Variants in DDR1 observed in about 807,000 individuals in gnomAD.
DDR1 encodes the protein discoidin domain receptor tyrosine kinase 1.
DDR1 carries 64 observed loss-of-function variants against 97.4 expected under a neutral mutation model. The observed-to-expected ratio is 0.66, with a 90% CI of 0.54 to 0.81. DDR1 has a LOEUF of 0.81. DDR1 is among the 30% of genes least tolerant of loss of function. The pLI is 0.00. For synonymous variants in DDR1, 458 were observed against 503.7 expected, an observed-to-expected ratio of 0.91 and a Z score of 1.21; for missense variants, 990 against 1,259.6, an observed-to-expected ratio of 0.79 and a Z score of 3.24.
At chr6:30,896,567 C>G (rs1582094299) in intron 12 of DDR1, 54 bp from the exon 13 acceptor site, 2 of 1,577,816 alleles carry the variant, frequency 1.3e-6, no homozygotes, top group East Asian at 4.5e-5. Context: ...GGAACTATAG[C>G]TCTTGGGCTG....
Position 30,897,978 on chromosome 6 carries a change from A to C in DDR1, c.2217-95A>C. The C allele has an allele frequency of 3.2e-6, 3 of 934,120 alleles. No individual in the cohort carries two copies. Among genetic ancestry groups the C allele is most frequent in the Non-Finnish European group, 5.0e-6 (3 of 601,388 alleles). The allele number at this position is 934,120 out of a possible 1,614,324, so 57.9% of individuals were successfully genotyped here. On this transcript the variant is annotated intron_variant, in intron 15 of 17. Coordinates refer to ENST00000376568, the MANE Select transcript of DDR1 (RefSeq NM_001297654.2). The surrounding 1 kb of genome is among the most constrained non-coding windows in gnomAD (Gnocchi z 5.2). ...GCATTCCACCTCCACATGGGGAGCC[A>C]GAGTGACCGGGCCCGGGGAGTGGGC...
chr6:30,896,504 C>T (rs1488227195), intron 12 of DDR1, 117 bp from the exon 13 acceptor site: 1 of 1,305,886 alleles, frequency 7.7e-7, no homozygotes. Context: ...AGCATAGACC[C>T]AGTCTCTCAC....
Position 30,899,405 on chromosome 6 carries a change from C to T in DDR1, c.*109C>T. On this transcript the variant is annotated 3_prime_UTR_variant, in exon 18 of 18. Transcript: ENST00000376568. ...TGCCCTTCCCCTCCCGACAGCCCAT[C>T]ACCTCTAATAGAGGCAGTGAGACTG... 1 of 1,412,582 alleles carries T rather than the reference C, an allele frequency of 7.1e-7. No homozygotes were observed. Among genetic ancestry groups the T allele is most frequent in the South Asian group, 1.4e-5 (1 of 72,322 alleles). 87.5% of individuals were successfully genotyped at this position (1,412,582 alleles called of 1,614,324 possible). A position where few individuals can be genotyped will look rare whatever the true frequency, so the allele number is the denominator to read the frequency against.
intron 16 of DDR1, 66 bp downstream of exon 16, chr6:30,898,373 G>T: frequency 1.7e-6 from 2 of 1,177,084 alleles, no homozygotes; most frequent in Non-Finnish European, 1.2e-6. Flanking sequence ...GCCACTCACA[G>T]CCCTGGTCTC....
At chr6:30,896,480 T>A in intron 12 of DDR1, 141 bp from the exon 13 acceptor site, 1 of 1,069,144 alleles carries the variant, frequency 9.4e-7, no homozygotes, top group African/African-American at 1.6e-5. Context: ...GCGCATGGAA[T>A]ACTGGGAAGA....
chr6:30,894,762 CCA>C lies in DDR1; in HGVS notation c.1513+92_1513+93del. The C allele has an allele frequency of 7.3e-7, 1 of 1,377,738 alleles. No homozygotes were observed. Among genetic ancestry groups the C allele is most frequent in the African/African-American group, 1.5e-5 (1 of 68,602 alleles). The allele number at this position is 1,377,738 out of a possible 1,614,324, so 85.3% of individuals were successfully genotyped here. A position where few individuals can be genotyped will look rare whatever the true frequency, so the allele number is the denominator to read the frequency against. On this transcript the variant is annotated intron_variant, in intron 11 of 17. Coordinates refer to ENST00000376568, the MANE Select transcript of DDR1 (RefSeq NM_001297654.2). This position sits in a 1 kb window ranked among gnomAD's most constrained non-coding sequence, Gnocchi z 5.7. The stretch of plus-strand genomic sequence containing the variant: ...CCATTCTCTTTTTTTCCTGTCTTCC[CCA>C]GTTTCCACTTGTTTTCTTCTTTCTG...
chr6:30,882,446 C>G (rs549103869), upstream of DDR1, among the ~76,000 whole-genome samples: 65 of 152,248 alleles, frequency 4.3e-4, no homozygotes, highest in South Asian at 6.2e-4. The surrounding 1 kb of genome is among the most constrained non-coding windows in gnomAD (Gnocchi z 4.8). Flanking sequence ...GGTAATCAGG[C>G]CCTCTTGGTC....
intron 1 of DDR1, among the ~76,000 whole-genome samples, chr6:30,887,695 A>G (rs1786389571): frequency 1.3e-5 from 2 of 152,226 alleles, no homozygotes; most frequent in African/African-American, 4.8e-5. Flanking sequence ...GGGCATTCAC[A>G]TATCTTACAG....
At chr6:30,885,376 G>A (rs1785417135) in intron 1 of DDR1, 3 of 1,050,484 alleles carry the variant, frequency 2.9e-6, no homozygotes, top group Non-Finnish European at 4.1e-6. Context: ...ACTGAGTGGT[G>A]TGGTGGAGAC....
Position 30,890,958 on chromosome 6 carries a change from T to C in DDR1, c.418-15T>C. 3 of 1,575,390 alleles carry C rather than the reference T, an allele frequency of 1.9e-6. No homozygotes were observed. The highest frequency in any genetic ancestry group is 2.6e-6 in the Non-Finnish European group (3 of 1,161,034). On this transcript the variant is annotated splice_polypyrimidine_tract_variant and intron_variant, in intron 4 of 17. Transcript: ENST00000376568. This position sits in a 1 kb window ranked among gnomAD's most constrained non-coding sequence, Gnocchi z 5.0. Reference sequence around the variant, plus strand: ...TGGACTCCATCCCACCCACCCCCTGTTTCCTGGCCCACAGGTGATCTCAGG... The same window carrying C: ...TGGACTCCATCCCACCCACCCCCTGCTTCCTGGCCCACAGGTGATCTCAGG...
rs141547665 is a variant in DDR1 at position 30,891,069 on chromosome 6, C to G, written c.514C>G (p.Arg172Gly). 1 of 1,613,044 alleles carries G rather than the reference C, an allele frequency of 6.2e-7. No individual in the cohort carries two copies. The highest frequency in any genetic ancestry group is 1.3e-5 in the African/African-American group (1 of 75,048). ...GGTTCGCTTCTACCCCCGGGCTGACCGGGTCATGAGCGTCTGTCTGCGGGT... is the reference window on the plus strand; with the variant it reads ...GGTTCGCTTCTACCCCCGGGCTGACGGGGTCATGAGCGTCTGTCTGCGGGT... ...RLVRFYPRAD[R>G]VMSVCLRVEL... Residue 172 changes from arginine to glycine, a missense_variant, in exon 5 of 18, where the codon CGG (arginine) becomes GGG (glycine). Coordinates refer to ENST00000376568, the MANE Select transcript of DDR1 (RefSeq NM_001297654.2). This position sits in a 1 kb window ranked among gnomAD's most constrained non-coding sequence, Gnocchi z 5.3.
chr6:30,896,307 C>T (rs1413572710), intron 12 of DDR1, among the ~76,000 whole-genome samples: 1 of 151,730 alleles, frequency 6.6e-6, no homozygotes, highest in Non-Finnish European at 1.5e-5. Flanking sequence ...GGGAGGAATT[C>T]TTCTTCCAGC....
Position 30,896,607 on chromosome 6 carries a change from C to A in DDR1, c.1625-14C>A. The A allele has an allele frequency of 6.2e-7, 1 of 1,609,234 alleles. No individual in the cohort carries two copies. The highest frequency in any genetic ancestry group is 1.1e-5 in the South Asian group (1 of 90,500). The stretch of plus-strand genomic sequence containing the variant: ...TGATGCCTCGTCCTGTCTTCTTTCC[C>A]CTCACCCCTGCAGCCTACAGTGGGG... On this transcript the variant is annotated splice_polypyrimidine_tract_variant and intron_variant, in intron 12 of 17. Coordinates refer to ENST00000376568, the MANE Select transcript of DDR1 (RefSeq NM_001297654.2).
At chr6:30,892,255 A>G in intron 7 of DDR1, 41 bp from the exon 8 acceptor site, 2 of 1,597,838 alleles carry the variant, frequency 1.3e-6, no homozygotes, top group Non-Finnish European at 1.7e-6. Context: ...TGCCCCCACC[A>G]CTCCTAGCCT....
At position 30,888,889 on chromosome 6, in the gene DDR1, A is replaced by G. The variant is rs1786888849; in HGVS notation, c.86-19A>G. On this transcript the variant is annotated intron_variant, in intron 2 of 17. Transcript: ENST00000376568. The surrounding 1 kb of genome is among the most constrained non-coding windows in gnomAD (Gnocchi z 4.2). ...AGAGTTGGGGGCCTTGACCTGTTAC[A>G]TGCCTGCTTTTTACTCAGCCAAGTG... The G allele has an allele frequency of 6.2e-7, 1 of 1,612,764 alleles. No homozygotes were observed. The highest frequency in any genetic ancestry group is 1.1e-5 in the South Asian group (1 of 91,056).
chr6:30,899,704 C>T lies in DDR1; in HGVS notation c.*408C>T, dbSNP rs1022916816. ...TGGCTGCGCCCCCAGCTTCTCTCTC[C>T]CTGTCACACACTGGACCCCACTGGC... On this transcript the variant is annotated 3_prime_UTR_variant, in exon 18 of 18. Coordinates refer to ENST00000376568, the MANE Select transcript of DDR1 (RefSeq NM_001297654.2). The T allele has an allele frequency of 1.4e-5, 5 of 354,508 alleles. No individual in the cohort carries two copies. Among genetic ancestry groups the T allele is most frequent in the African/African-American group, 8.2e-5 (4 of 48,784 alleles). The allele number at this position is 354,508 out of a possible 1,614,324, so 22.0% of individuals were successfully genotyped here. A position where few individuals can be genotyped will look rare whatever the true frequency, so the allele number is the denominator to read the frequency against.
In DDR1 at chr6:30,895,385, C is replaced by CT. The variant is rs770489859; in HGVS notation, c.1514-18dup. 1.3e-6 allele frequency: 2 copies of CT among 1,592,842 alleles called. No homozygotes were observed. The highest frequency in any genetic ancestry group is 3.4e-5 in the Admixed American group (2 of 58,804). On this transcript the variant is annotated intron_variant, in intron 11 of 17. Coordinates refer to ENST00000376568, the MANE Select transcript of DDR1 (RefSeq NM_001297654.2). ...GTCTCATCCCTTCCCCGTGTTTCCC[C>CT]TCCTCCTTCTCCCGACAGCGTTGCT...
chr6:30,894,400 A>AG lies in DDR1; in HGVS notation c.1348-103dup. The AG allele has an allele frequency of 9.0e-7, 1 of 1,116,260 alleles. No homozygotes were observed. Among genetic ancestry groups the AG allele is most frequent in the Non-Finnish European group, 1.2e-6 (1 of 801,324 alleles). 69.1% of individuals were successfully genotyped at this position (1,116,260 alleles called of 1,614,324 possible). A position where few individuals can be genotyped will look rare whatever the true frequency, so the allele number is the denominator to read the frequency against. ...TGGTGCTGATAGTATCCACAGCTGT[A>AG]GGGCTCTTGTGAGGGCTGAGGGAGG... On this transcript the variant is annotated intron_variant, in intron 10 of 17. Transcript: ENST00000376568. The surrounding 1 kb of genome is among the most constrained non-coding windows in gnomAD (Gnocchi z 5.7).
Position 30,890,686 on chromosome 6 carries a change from GGGAT to G in DDR1, c.418-285_418-282del, listed in dbSNP as rs1426155812. The G allele has an allele frequency of 2.4e-6, 1 of 410,924 alleles. No homozygotes were observed. 25.5% of individuals were successfully genotyped at this position (410,924 alleles called of 1,614,324 possible). The stretch of plus-strand genomic sequence containing the variant: ...GGATTGGGGAGAATCTGGGCACAAT[GGGAT>G]GATAGGCTTGGAGACAAATGGATGG... On this transcript the variant is annotated intron_variant, in intron 4 of 17. Transcript: ENST00000376568. This position sits in a 1 kb window ranked among gnomAD's most constrained non-coding sequence, Gnocchi z 5.0.
Sources: allele counts gnomAD v4.1 joint callset (sites outside exome capture counted in the v4.1 genomes callset), GRCh38; gene constraint gnomAD v4.1.1; non-coding constraint Gnocchi (gnomAD v3.1); transcripts MANE v1.5; gene names NCBI Gene and HGNC (gene_info 2026-07-23, HGNC 2026-07-21).